Variants in PIK3CA observed in about 807,000 individuals in gnomAD.
PIK3CA encodes phosphatidylinositol 4,5-bisphosphate 3-kinase catalytic subunit alpha isoform.
Under a neutral mutation model 138.2 loss-of-function variants are expected in PIK3CA, and 27 were observed. The ratio of observed to expected loss-of-function variants is 0.20; its 90% CI spans 0.14 to 0.27. The LOEUF (loss-of-function observed/expected upper bound fraction) is 0.27. Among genes scored for constraint, PIK3CA ranks in the 10% least tolerant of loss-of-function variants. The pLI, the probability that PIK3CA is intolerant of heterozygous loss-of-function variation, is 1.00. For missense variants in PIK3CA, 544 were observed against 1,277.4 expected, an observed-to-expected ratio of 0.43 and a Z score of 8.75; for synonymous variants, 358 against 413.2, an observed-to-expected ratio of 0.87 and a Z score of 1.62.
chr3:179,148,850 C>T (rs1722928257), intron 1 of PIK3CA, among the ~76,000 whole-genome samples: 1 of 152,314 alleles, frequency 6.6e-6, no homozygotes. Context: ...CCGCCTCGCT[C>T]TTCCTTTGCT....
chr3:179,238,116 C>T lies in PIK3CA; in HGVS notation c.*3752C>T. The T allele has an allele frequency of 4.4e-6, 1 of 224,858 alleles. No homozygotes were observed. Among genetic ancestry groups the T allele is most frequent in the East Asian group, 6.4e-5 (1 of 15,734 alleles). The allele number at this position is 224,858 out of a possible 1,614,324, so 13.9% of individuals were successfully genotyped here. On this transcript the variant is annotated 3_prime_UTR_variant, in exon 21 of 21. Coordinates refer to ENST00000263967, the MANE Select transcript of PIK3CA (RefSeq NM_006218.4). The stretch of plus-strand genomic sequence containing the variant: ...TTTGAATGAATTACATTCTTTATAT[C>T]CATCCTGCTCATTTGGGGCATGTCT...
intron 1 of PIK3CA, among the ~76,000 whole-genome samples, chr3:179,162,130 C>T (rs983881640): frequency 1.3e-5 from 2 of 151,882 alleles, no homozygotes; most frequent in Non-Finnish European, 2.9e-5. Flanking sequence ...ATAAAACATA[C>T]AGAAATCTGA....
chr3:179,194,270 C>T (rs765667719), intron 1 of PIK3CA, among the ~76,000 whole-genome samples: 8 of 152,114 alleles, frequency 5.3e-5, no homozygotes, highest in Non-Finnish European at 7.4e-5. Context: ...GTTGCCCAGG[C>T]TGGAATGCAG....
At position 179,154,124 on chromosome 3, in the gene PIK3CA, C is replaced by T. The variant is rs1723075537; in HGVS notation, c.-77+5521C>T. 2.0e-5 allele frequency among the ~76,000 whole-genome samples: 3 copies of T among 152,086 alleles called. No individual in the cohort carries two copies. The South Asian group carries it at 6.2e-4, about 32-fold the overall frequency. On this transcript the variant is annotated intron_variant, in intron 1 of 20. Coordinates refer to ENST00000263967, the MANE Select transcript of PIK3CA (RefSeq NM_006218.4). ...TGTAAGTTTGTAATAAAAGTGGTGG[C>T]TTAGAGCTATCTTTTTCTTCAAATA...
chr3:179,160,545 T>C (rs1367317669), intron 1 of PIK3CA, among the ~76,000 whole-genome samples: 1 of 152,198 alleles, frequency 6.6e-6, no homozygotes, highest in East Asian at 1.9e-4. Context: ...GCTGAGCAAT[T>C]GTATTGGTCT....
intron 9 of PIK3CA, among the ~76,000 whole-genome samples, chr3:179,214,475 C>A (rs371076983): frequency 6.6e-6 from 1 of 152,088 alleles, no homozygotes; most frequent in Non-Finnish European, 1.5e-5. Context: ...CGAATAAGTT[C>A]ACCATCTTAA....
At chr3:179,200,216 TATAA>T (rs1724377416) in intron 3 of PIK3CA, among the ~76,000 whole-genome samples, 1 of 152,042 alleles carries the variant, frequency 6.6e-6, no homozygotes, top group African/African-American at 2.4e-5. Context: ...AAATAAAAAC[TATAA>T]ATAGAAACAT....
At chr3:179,208,957 AC>A (rs907199941) in intron 6 of PIK3CA, among the ~76,000 whole-genome samples, 2 of 148,086 alleles carry the variant, frequency 1.4e-5, no homozygotes, top group Non-Finnish European at 3.0e-5. Context: ...CTTTTGTTTG[AC>A]TTTTATGAGC....
chr3:179,155,206 G>GT (rs1397810830), intron 1 of PIK3CA, among the ~76,000 whole-genome samples: 41 of 152,322 alleles, frequency 2.7e-4, no homozygotes, highest in African/African-American at 9.1e-4. Flanking sequence ...TTAGGCATAT[G>GT]TTTTTGAACA....
At position 179,219,048 on chromosome 3, in the gene PIK3CA, T is replaced by TG. The variant is rs773314477; in HGVS notation, c.1665-148_1665-147insG. On this transcript the variant is annotated intron_variant, in intron 10 of 20. Coordinates refer to ENST00000263967, the MANE Select transcript of PIK3CA (RefSeq NM_006218.4). The surrounding 1 kb of genome is among the most constrained non-coding windows in gnomAD (Gnocchi z 4.2). The stretch of plus-strand genomic sequence containing the variant: ...GTAAATATATTTCCAACTATAGTGT[T>TG]AAACACTGATGTCTTTTGAATTTTA... 2 of 550,182 alleles carry TG rather than the reference T, an allele frequency of 3.6e-6. No homozygotes were observed. The highest frequency in any genetic ancestry group is 6.6e-6 in the Non-Finnish European group (2 of 303,470). The allele number at this position is 550,182 out of a possible 1,614,324, so 34.1% of individuals were successfully genotyped here. A position where few individuals can be genotyped will look rare whatever the true frequency, so the allele number is the denominator to read the frequency against.
chr3:179,167,610 G>C (rs184865026), intron 1 of PIK3CA, among the ~76,000 whole-genome samples: 10 of 152,016 alleles, frequency 6.6e-5, no homozygotes, highest in African/African-American at 2.2e-4. Flanking sequence ...TTTAACTATA[G>C]ATAGATTGTA....
At position 179,225,903 on chromosome 3, in the gene PIK3CA, G is replaced by T. The variant is rs559225807; in HGVS notation, c.2417-59G>T. 80 of 828,298 alleles carry T rather than the reference G, an allele frequency of 9.7e-5. 3 individuals are homozygous for T. In the South Asian group the frequency reaches 1.1e-3, roughly 11 times the overall value. The allele number at this position is 828,298 out of a possible 1,614,324, so 51.3% of individuals were successfully genotyped here. A position where few individuals can be genotyped will look rare whatever the true frequency, so the allele number is the denominator to read the frequency against. ...TTTCATTTGAAAACCATGTGATGGC[G>T]TGATCCCCAAATTTGCATCTGTGGC... On this transcript the variant is annotated intron_variant, in intron 16 of 20. Transcript: ENST00000263967.
At chr3:179,173,979 C>T (rs1213707168) in intron 1 of PIK3CA, among the ~76,000 whole-genome samples, 1 of 151,878 alleles carries the variant, frequency 6.6e-6, no homozygotes, top group Non-Finnish European at 1.5e-5. Context: ...CCACCCGCCT[C>T]GGCCTCCCGA....
At chr3:179,165,085 C>T (rs1277379014) in intron 1 of PIK3CA, among the ~76,000 whole-genome samples, 4 of 152,116 alleles carry the variant, frequency 2.6e-5, no homozygotes, top group Admixed American at 2.6e-4. Flanking sequence ...CTACTCTCCT[C>T]TTTTACTTTC....
intron 1 of PIK3CA, among the ~76,000 whole-genome samples, chr3:179,185,318 A>G (rs1723948692): frequency 6.6e-6 from 1 of 152,254 alleles, no homozygotes; most frequent in African/African-American, 2.4e-5. Flanking sequence ...TTTGAAAGAC[A>G]TATTGCTAAT....
chr3:179,148,277 G>A (rs1722903987), upstream of PIK3CA: 2 of 151,888 alleles, frequency 1.3e-5, no homozygotes, highest in African/African-American at 4.8e-5. Flanking sequence ...AAAAAAAACA[G>A]GGGCGACGGA....
In PIK3CA at chr3:179,230,290, A is replaced by G. The variant is rs765899724; in HGVS notation, c.2850A>G (p.Glu950=). 6.2e-7 allele frequency: 1 copy of G among 1,611,758 alleles called. No individual in the cohort carries two copies. Among genetic ancestry groups the G allele is most frequent in the Non-Finnish European group, 8.5e-7 (1 of 1,178,374 alleles). The change falls in exon 20 of 21, where the codon GAA becomes GAG. Residue 950 remains glutamate, a synonymous_variant. Coordinates refer to ENST00000263967, the MANE Select transcript of PIK3CA (RefSeq NM_006218.4). The surrounding 1 kb of genome is among the most constrained non-coding windows in gnomAD (Gnocchi z 5.4). ...AGAAAAAATTTGGTTATAAACGAGA[A>G]CGTGTGCCATTTGTTTTGACACAGG... ...HKKKKFGYKR[E]RVPFVLTQDF... is the part of the protein sequence containing the mutation.
rs377094999 is a variant in PIK3CA at position 179,211,740 on chromosome 3, T to G, written c.1539+1175T>G. Among the ~76,000 whole-genome samples, 16 of 152,312 alleles carry G rather than the reference T, an allele frequency of 1.1e-4. No homozygotes were observed. The East Asian group carries it at 2.9e-3, about 28-fold the overall frequency. On this transcript the variant is annotated intron_variant, in intron 9 of 20. Coordinates refer to ENST00000263967, the MANE Select transcript of PIK3CA (RefSeq NM_006218.4). ...TGAGTACTTCATCACTTCAGTAAAT[T>G]GTTTATTGCAGTGAAAAGTGATCTC...
intron 1 of PIK3CA, among the ~76,000 whole-genome samples, chr3:179,197,600 C>T (rs912815627): frequency 1.3e-5 from 2 of 152,206 alleles, no homozygotes; most frequent in South Asian, 4.1e-4. Context: ...GGGGACAGCA[C>T]CAATGCACTT....
Sources: allele counts gnomAD v4.1 joint callset (sites outside exome capture counted in the v4.1 genomes callset), GRCh38; gene constraint gnomAD v4.1.1; non-coding constraint Gnocchi (gnomAD v3.1); transcripts MANE v1.5; gene names NCBI Gene and HGNC (gene_info 2026-07-23, HGNC 2026-07-21).